The following RC3H1 variants were observed in gnomAD, a reference collection of about 807,000 sequenced individuals.
RC3H1 encodes ring finger and CCCH-type domains 1.
A neutral mutation model predicts 138.2 loss-of-function variants in RC3H1; 50 were observed. That is an observed-to-expected ratio of 0.36 (90% CI 0.29 to 0.46). The LOEUF (loss-of-function observed/expected upper bound fraction) is 0.46, where lower values mean the gene tolerates loss of function less well. Ranked by LOEUF, RC3H1 falls within the 20% of genes least tolerant of loss-of-function variation. The pLI is 1.00. For synonymous variants in RC3H1, 462 were observed against 489.1 expected (o/e 0.94, Z 0.73); for missense variants, 1,031 against 1,388.1 (o/e 0.74, Z 4.09).
rs888398213 is a variant in RC3H1 at position 173,936,277 on chromosome 1, C to T, written c.*2444G>A. ...AATCATTCTGAATTCCAAAGTGAAT[C>T]AACTGCTTCTAAAATTTAGGATGAT... is the stretch of plus-strand genomic sequence containing the variant. On this transcript the variant is annotated 3_prime_UTR_variant, in exon 20 of 20. Coordinates refer to ENST00000367696, the MANE Select transcript of RC3H1 (RefSeq NM_172071.4). The T allele has an allele frequency of 3.9e-5, 6 of 151,978 alleles. No individual in the cohort carries two copies. The highest frequency in any genetic ancestry group is 8.8e-5 in the Non-Finnish European group (6 of 68,006). 9.4% of individuals were successfully genotyped at this position (151,978 alleles called of 1,614,324 possible).
intron 5 of RC3H1, among the ~76,000 whole-genome samples, chr1:173,981,862 T>G (rs1660834267): frequency 6.6e-6 from 1 of 151,782 alleles, no homozygotes; most frequent in Admixed American, 6.6e-5. Context: ...ACTACACCAC[T>G]GCACTCCAGC....
intron 1 of RC3H1, among the ~76,000 whole-genome samples, chr1:174,013,254 A>T (rs1259330483): frequency 6.6e-6 from 1 of 152,024 alleles, no homozygotes; most frequent in Non-Finnish European, 1.5e-5. Context: ...TATAAACAGG[A>T]AAGTTCTCCA....
At chr1:173,973,707 G>T (rs1283980119) in intron 7 of RC3H1, among the ~76,000 whole-genome samples, 1 of 152,130 alleles carries the variant, frequency 6.6e-6, no homozygotes, top group Non-Finnish European at 1.5e-5. Flanking sequence ...GAAACAAGAA[G>T]AGAGATGTAG....
In RC3H1 at chr1:173,964,989, T is replaced by C. The variant is rs1477829548; in HGVS notation, c.1466A>G (p.Lys489Arg). 2 of 1,613,970 alleles carry C rather than the reference T, an allele frequency of 1.2e-6. No homozygotes were observed. Among genetic ancestry groups the C allele is most frequent in the Non-Finnish European group, 1.7e-6 (2 of 1,180,024 alleles). The change falls in exon 10 of 20, where the codon AAA becomes AGA. Residue 489 changes from lysine (K) to arginine (R), a missense_variant. Lys to Arg is a conservative substitution (Grantham distance 26). Coordinates refer to ENST00000367696, the MANE Select transcript of RC3H1 (RefSeq NM_172071.4). ...AATTCCATTTGGCAGAGCAGGAGGT[T>C]TTCTGCTAGGGAGATCCACTGCACC... ...DEGAVDLPSR[K>R]PPALPNGIVS...
Position 173,946,585 on chromosome 1 carries a change from A to C in RC3H1, c.2852T>G (p.Val951Gly), listed in dbSNP as rs777314717. The change falls in exon 17 of 20, where the codon GTG becomes GGG. Residue 951 changes from valine to glycine, a missense_variant. This residue lies in a region of RC3H1 where 716 missense variants were observed against 837.9 expected (regional missense o/e 0.85). Coordinates refer to ENST00000367696, the MANE Select transcript of RC3H1 (RefSeq NM_172071.4). ...SERERISMSE[V>G]ASHGKPLPSA... ...TGGAAGGGGTTTTCCATGACTGGCC[A>C]CTTCTGACATAGATATTCTCTCCCT... The C allele has an allele frequency of 6.2e-7, 1 of 1,613,826 alleles. No individual in the cohort carries two copies. The highest frequency in any genetic ancestry group is 1.7e-5 in the Admixed American group (1 of 59,912).
At chr1:173,993,846 C>T (rs569394722) in intron 1 of RC3H1, among the ~76,000 whole-genome samples, 1 of 150,954 alleles carries the variant, frequency 6.6e-6, no homozygotes, top group East Asian at 2.0e-4. Context: ...ATGGTGAAAC[C>T]CCATGTCCAC....
chr1:173,989,901 T>C (rs1394467025), intron 2 of RC3H1, among the ~76,000 whole-genome samples: 1 of 150,216 alleles, frequency 6.7e-6, no homozygotes, highest in East Asian at 2.0e-4. Context: ...TAATTTTTTG[T>C]ATTTTTAGTA....
intron 1 of RC3H1, among the ~76,000 whole-genome samples, chr1:174,010,563 G>A (rs1476426065): frequency 3.3e-5 from 5 of 152,034 alleles, no homozygotes; most frequent in Admixed American, 6.6e-5. Flanking sequence ...ACAGGCATGC[G>A]CCATCATGCC....
In RC3H1 at chr1:173,998,138, T is replaced by TA. The variant is rs994755247; in HGVS notation, c.-150-5004dup. Among the ~76,000 whole-genome samples, 6 of 151,842 alleles carry TA rather than the reference T, an allele frequency of 4.0e-5. No individual in the cohort carries two copies. The South Asian group carries it at 8.3e-4, about 21-fold the overall frequency. On this transcript the variant is annotated intron_variant, in intron 1 of 19. Transcript: ENST00000367696. ...CTCAGAAAAAGGTATGTCAGCAAAC[T>TA]AAAAAAGGGCCACAAAACAAAAACA...
rs557892347 is a variant in RC3H1, at chr1:173,992,920, G to A, written c.66C>T (p.Asp22=). 43 of 1,613,928 alleles carry A rather than the reference G, an allele frequency of 2.7e-5. No homozygotes were observed. The highest frequency in any genetic ancestry group is 1.6e-4 in the Middle Eastern group (1 of 6,084). Residue 22 remains aspartate (D), a synonymous_variant, in exon 2 of 20, where the codon GAC becomes GAT. Transcript: ENST00000367696. Reference sequence around the variant, plus strand: ...AACTGATGGGCTTTCGAATTGTTTCGTCGAAAGTCTGAGTGCAAATTGGGC... The same window carrying A: ...AACTGATGGGCTTTCGAATTGTTTCATCGAAAGTCTGAGTGCAAATTGGGC... ...LSCPICTQTF[D]ETIRKPISLG...
Position 174,022,187 on chromosome 1 carries a change from T to C in RC3H1, c.-242A>G. The C allele has an allele frequency of 2.5e-6, 1 of 394,984 alleles. No homozygotes were observed. The highest frequency in any genetic ancestry group is 4.5e-6 in the Non-Finnish European group (1 of 224,438). 24.5% of individuals were successfully genotyped at this position (394,984 alleles called of 1,614,324 possible). Reference sequence around the variant, plus strand: ...GCCGCCGCCGCCGCCGAGGCCACCGTTGACTCTGATTCTGTCCCAGGCCGC... The same window carrying C: ...GCCGCCGCCGCCGCCGAGGCCACCGCTGACTCTGATTCTGTCCCAGGCCGC... On this transcript the variant is annotated 5_prime_UTR_variant, in exon 1 of 20. Coordinates refer to ENST00000367696, the MANE Select transcript of RC3H1 (RefSeq NM_172071.4). The surrounding 1 kb of genome is among the most constrained non-coding windows in gnomAD (Gnocchi z 4.2).
chr1:173,965,177 C>G (rs1288897589), intron 9 of RC3H1, 57 bp from the exon 10 acceptor site: 1 of 1,395,372 alleles, frequency 7.2e-7, no homozygotes. Context: ...AAACCAAGAA[C>G]TAAAATGTAC....
intron 14 of RC3H1, 111 bp downstream of exon 14, chr1:173,951,875 G>T: frequency 3.2e-6 from 3 of 930,896 alleles, no homozygotes; most frequent in South Asian, 2.4e-5. Flanking sequence ...TATAGAATAT[G>T]GTCTGAAACT....
rs187968711 is a variant in RC3H1 at position 173,996,895 on chromosome 1, T to C, written c.-150-3760A>G. On this transcript the variant is annotated intron_variant, in intron 1 of 19. Transcript: ENST00000367696. ...GTGTTCTTGTGGAGTCATTTTTTACTTGAAAGGCAAAGGAATTCTGTTTTT... is the reference window on the plus strand; with the variant it reads ...GTGTTCTTGTGGAGTCATTTTTTACCTGAAAGGCAAAGGAATTCTGTTTTT... Among the ~76,000 whole-genome samples the C allele has an allele frequency of 2.1e-4, 32 of 152,192 alleles. No homozygotes were observed. In the East Asian group the frequency reaches 5.8e-3, roughly 28 times the overall value.
intron 14 of RC3H1, among the ~76,000 whole-genome samples, chr1:173,948,072 G>T (rs1335285654): frequency 6.6e-6 from 1 of 152,088 alleles, no homozygotes. Flanking sequence ...ATTTATGGGA[G>T]GCCACTGTTT....
intron 7 of RC3H1, among the ~76,000 whole-genome samples, chr1:173,974,254 T>A (rs1205934478): frequency 8.4e-6 from 1 of 118,348 alleles, no homozygotes; most frequent in Non-Finnish European, 1.6e-5. Context: ...CACTCCAGCC[T>A]GGTCAATAGA....
chr1:173,945,630 T>A (rs538134159), intron 17 of RC3H1, among the ~76,000 whole-genome samples: 2 of 152,280 alleles, frequency 1.3e-5, no homozygotes, highest in South Asian at 2.1e-4. Context: ...TAGTGATTTT[T>A]AAATGGTACA....
chr1:173,951,833 C>A (rs762901842), intron 14 of RC3H1, among the ~76,000 whole-genome samples, 153 bp downstream of exon 14: 3 of 151,914 alleles, frequency 2.0e-5, no homozygotes, highest in Non-Finnish European at 4.4e-5. Context: ...AATCAAAAAC[C>A]TATACTGTTT....
chr1:173,963,799 T>C (rs186091182), intron 11 of RC3H1, among the ~76,000 whole-genome samples, 174 bp downstream of exon 11: 54 of 152,336 alleles, frequency 3.5e-4, no homozygotes, highest in Admixed American at 3.0e-3. Context: ...CTTTGTTTCA[T>C]TTATTTCATA....
Sources: gnomAD v4.1 joint callset for allele counts (sites outside exome capture counted in the v4.1 genomes callset) on GRCh38, gnomAD v4.1.1 for gene constraint, gnomAD v4.1.1 regional missense constraint, Gnocchi (gnomAD v3.1) non-coding constraint, MANE v1.5 for transcripts, NCBI Gene and HGNC (gene_info 2026-07-23, HGNC 2026-07-21) for gene names.